Variants in AK5 observed in about 807,000 individuals in gnomAD.
AK5 encodes the protein adenylate kinase 5, also known as adenylate kinase isoenzyme 5.
In AK5, 27 loss-of-function variants were observed where a neutral mutation model predicts 69.5. The ratio of observed to expected loss-of-function variants is 0.39; its 90% confidence interval spans 0.29 to 0.54. The LOEUF is 0.54. AK5 is among the 20% of genes least tolerant of loss of function. The pLI is 0.71. For synonymous variants in AK5, 260 were observed against 244.4 expected (o/e 1.06, Z -0.60); for missense variants, 531 against 700.4 (o/e 0.76, Z 2.73).
rs374713398 is a variant in AK5 at position 77,358,085 on chromosome 1, G to A, written c.891+17517G>A. The stretch of plus-strand genomic sequence containing the variant: ...CTCATCTATGGGTGGGTGCTGCTGA[G>A]GGTCAAGAATGCAGAAGAATATAAG... On this transcript the variant is annotated intron_variant, in intron 6 of 13. Transcript: ENST00000354567. 5.3e-5 allele frequency among the ~76,000 whole-genome samples: 8 copies of A among 151,796 alleles called. No individual in the cohort carries two copies. In the South Asian group the frequency reaches 1.7e-3, roughly 32 times the overall value.
chr1:77,300,536 G>C (rs1010436706), intron 5 of AK5, among the ~76,000 whole-genome samples: 7 of 152,294 alleles, frequency 4.6e-5, no homozygotes, highest in African/African-American at 1.7e-4. Context: ...TCTACACCCT[G>C]TGTAGGCTTA....
intron 5 of AK5, among the ~76,000 whole-genome samples, chr1:77,303,163 G>C (rs1488036104): frequency 6.6e-6 from 1 of 152,288 alleles, no homozygotes; most frequent in South Asian, 2.1e-4. Flanking sequence ...GGGGAGGACA[G>C]TTTTAGTCCT....
At chr1:77,519,112 G>C (rs1316017206) in intron 11 of AK5, among the ~76,000 whole-genome samples, 2 of 152,190 alleles carry the variant, frequency 1.3e-5, no homozygotes, top group African/African-American at 4.8e-5. Context: ...GTTCTGGGAG[G>C]TATGATTATC....
chr1:77,353,363 A>G (rs1662318710), intron 6 of AK5, among the ~76,000 whole-genome samples: 1 of 152,090 alleles, frequency 6.6e-6, no homozygotes, highest in Non-Finnish European at 1.5e-5. Context: ...CTGTAATCCC[A>G]GCTACTCAGG....
chr1:77,477,342 A>G (rs1469696520), intron 8 of AK5, among the ~76,000 whole-genome samples: 1 of 152,056 alleles, frequency 6.6e-6, no homozygotes, highest in Non-Finnish European at 1.5e-5. Context: ...TGTTCTTTTT[A>G]AATTATTATT....
chr1:77,392,693 G>A (rs1648566009), intron 6 of AK5, among the ~76,000 whole-genome samples: 1 of 151,624 alleles, frequency 6.6e-6, no homozygotes. Context: ...TGACTCTTCT[G>A]ACAAGACCGC....
intron 2 of AK5, 65 bp downstream of exon 2, chr1:77,287,192 A>G: frequency 2.5e-6 from 3 of 1,201,422 alleles, no homozygotes; most frequent in Non-Finnish European, 3.3e-6. Flanking sequence ...AACATGCCAT[A>G]TAGACTATAC....
intron 9 of AK5, among the ~76,000 whole-genome samples, chr1:77,486,088 C>T (rs987181434): frequency 1.3e-5 from 2 of 151,848 alleles, no homozygotes; most frequent in Admixed American, 1.3e-4. Context: ...GCACTCCAGC[C>T]TGAGCAACAG....
At chr1:77,432,745 T>G (rs181159450) in intron 8 of AK5, among the ~76,000 whole-genome samples, 1 of 152,166 alleles carries the variant, frequency 6.6e-6, no homozygotes, top group Non-Finnish European at 1.5e-5. Context: ...AGTGGAAGCG[T>G]AGACTTTTTT....
At chr1:77,381,523 TC>T (rs1240615569) in intron 6 of AK5, among the ~76,000 whole-genome samples, 2 of 152,164 alleles carry the variant, frequency 1.3e-5, no homozygotes, top group African/African-American at 4.8e-5. Context: ...CAAAACATGG[TC>T]CTGCTTTGAA....
chr1:77,525,483 C>T (rs75865325), intron 12 of AK5, among the ~76,000 whole-genome samples: 5,218 of 152,240 alleles, frequency 0.034, 164 homozygotes, highest in East Asian at 0.14. Flanking sequence ...CCACTCACAG[C>T]GGAAGGTGAG....
chr1:77,342,889 A>G (rs930919956), intron 6 of AK5, among the ~76,000 whole-genome samples: 1 of 150,878 alleles, frequency 6.6e-6, no homozygotes, highest in Non-Finnish European at 1.5e-5. Flanking sequence ...TTACTCATTC[A>G]GTAAATATTT....
chr1:77,385,126 T>C (rs527246924), intron 6 of AK5, among the ~76,000 whole-genome samples: 5 of 152,106 alleles, frequency 3.3e-5, no homozygotes, highest in Admixed American at 2.6e-4. Context: ...TGAAGGTAAA[T>C]TGAGACTTTA....
chr1:77,497,296 C>G (rs905934563), intron 10 of AK5, among the ~76,000 whole-genome samples: 1 of 152,182 alleles, frequency 6.6e-6, no homozygotes, highest in African/African-American at 2.4e-5. Flanking sequence ...GATGTGCCAC[C>G]TTTAAGAGCT....
chr1:77,305,720 T>G (rs908379566), intron 5 of AK5, among the ~76,000 whole-genome samples: 1 of 152,214 alleles, frequency 6.6e-6, no homozygotes, highest in Admixed American at 6.5e-5. Flanking sequence ...TTCATGCCAG[T>G]ACCACGCTGT....
At chr1:77,448,538 T>C (rs1652898749) in intron 8 of AK5, among the ~76,000 whole-genome samples, 1 of 152,122 alleles carries the variant, frequency 6.6e-6, no homozygotes, top group Non-Finnish European at 1.5e-5. Context: ...CCACTTCAGG[T>C]CTCCTGAGAG....
At chr1:77,457,024 T>G (rs565294683) in intron 8 of AK5, among the ~76,000 whole-genome samples, 1 of 152,234 alleles carries the variant, frequency 6.6e-6, no homozygotes, top group Admixed American at 6.5e-5. Context: ...GCCTGGGTTT[T>G]TAATCCTTGT....
intron 6 of AK5, among the ~76,000 whole-genome samples, chr1:77,350,189 AT>A (rs1180524688): frequency 1.3e-5 from 2 of 152,250 alleles, no homozygotes; most frequent in African/African-American, 2.4e-5. Context: ...GAGAAGTGGT[AT>A]GAGCCACCAC....
intron 6 of AK5, among the ~76,000 whole-genome samples, chr1:77,354,159 G>A (rs1037560154): frequency 1.3e-5 from 2 of 152,190 alleles, no homozygotes; most frequent in African/African-American, 4.8e-5. Flanking sequence ...AGCAGCCAGG[G>A]AAGGAGTAGG....
Sources: allele counts gnomAD v4.1 joint callset (sites outside exome capture counted in the v4.1 genomes callset), GRCh38; gene constraint gnomAD v4.1.1; transcripts MANE v1.5; gene names NCBI Gene and HGNC (gene_info 2026-07-23, HGNC 2026-07-21).